ADGRG3: variants seen among roughly 807,000 people sequenced by gnomAD.
ADGRG3 encodes G protein-coupled receptor 97.
Under a neutral mutation model 54.3 loss-of-function variants are expected in ADGRG3, and 39 were observed. The ratio of observed to expected loss-of-function variants is 0.72; its 90% confidence interval spans 0.56 to 0.94. The LOEUF (loss-of-function observed/expected upper bound fraction) is 0.94. ADGRG3 is among the 40% of genes least tolerant of loss of function. ADGRG3 has a pLI of 0.00. For synonymous variants in ADGRG3, 312 were observed against 290.0 expected, an observed-to-expected ratio of 1.08 and a Z score of -0.77; for missense variants, 654 against 694.6, an observed-to-expected ratio of 0.94 and a Z score of 0.66.
At position 57,679,178 on chromosome 16, in the gene ADGRG3, G is replaced by C; in HGVS notation, c.494G>C (p.Gly165Ala). ...CCTCCCCGATCTCCCCTTTCACAGG[G>C]CCCCCGGCTCGGCCTGGGAGATGGC... Reference protein sequence around the residue: ...LDIGPGTLFKGPRLGLGDGSG... With the variant: ...LDIGPGTLFKAPRLGLGDGSG... Residue 165 changes from glycine (G) to alanine (A), a missense_variant and splice_region_variant, in exon 5 of 12, where the codon GGC (glycine) becomes GCC (alanine). Coordinates refer to ENST00000333493, the MANE Select transcript of ADGRG3 (RefSeq NM_170776.5). 2.5e-6 allele frequency: 4 copies of C among 1,613,648 alleles called. No individual in the cohort carries two copies. The highest frequency in any genetic ancestry group is 2.5e-6 in the Non-Finnish European group (3 of 1,179,878).
intron 1 of ADGRG3, among the ~76,000 whole-genome samples, chr16:57,670,426 G>A (rs1485543040): frequency 6.6e-6 from 1 of 152,144 alleles, no homozygotes; most frequent in African/African-American, 2.4e-5. Context: ...ATTCATGACA[G>A]CAGGGCCGGG....
intron 8 of ADGRG3, chr16:57,682,401 G>C (rs1220013245): frequency 1.3e-6 from 1 of 793,292 alleles, no homozygotes; most frequent in Admixed American, 6.2e-5. Flanking sequence ...TTTGGCCCTA[G>C]GCTGCAGCCC....
intron 5 of ADGRG3, 43 bp from the exon 6 acceptor site, chr16:57,679,773 A>C (rs9925879): frequency 0.16 from 248,181 of 1,552,992 alleles, 24,730 homozygotes; most frequent in East Asian, 0.5. Context: ...CCTCCCCCAA[A>C]CTTCCCTTTT....
At position 57,680,542 on chromosome 16, in the gene ADGRG3, C is replaced by A. The variant is rs2048349186; in HGVS notation, c.806C>A (p.Thr269Lys). 1 of 1,613,840 alleles carries A rather than the reference C, an allele frequency of 6.2e-7. No homozygotes were observed. The highest frequency in any genetic ancestry group is 1.1e-5 in the South Asian group (1 of 91,068). The change falls in exon 8 of 12, where the codon ACA (threonine) becomes AAA (lysine). Residue 269 changes from threonine (T) to lysine (K), a missense_variant. Thr to Lys is a moderately conservative substitution (Grantham distance 78). Transcript: ENST00000333493. The stretch of plus-strand genomic sequence containing the variant: ...GACCAGTCCACGGTGCATATCCTCA[C>A]ACGCATCTCCCAGGCGGGCTGTGGG... ...TLDQSTVHIL[T>K]RISQAGCGVS...
intron 1 of ADGRG3, among the ~76,000 whole-genome samples, chr16:57,669,986 G>T (rs1394609935): frequency 1.3e-5 from 2 of 152,138 alleles, no homozygotes; most frequent in Non-Finnish European, 1.5e-5. Flanking sequence ...GTCTAAAGGG[G>T]CCAGGAGGGA....
At chr16:57,667,965 G>GT (rs1348113786), upstream of ADGRG3, among the ~76,000 whole-genome samples, 1 of 152,236 alleles carries the variant, frequency 6.6e-6, no homozygotes, top group Admixed American at 6.5e-5. Context: ...GAGAGGAGGG[G>GT]TCTGAGTAGG....
At chr16:57,680,020 C>A (rs866513935) in intron 6 of ADGRG3, among the ~76,000 whole-genome samples, 165 bp downstream of exon 6, 3 of 37,184 alleles carry the variant, frequency 8.1e-5, no homozygotes, top group Admixed American at 5.0e-4. Context: ...TCCCCTCCCC[C>A]CCCTCCTCAC....
intron 10 of ADGRG3, among the ~76,000 whole-genome samples, chr16:57,685,056 G>T (rs2048448495): frequency 6.6e-6 from 1 of 152,240 alleles, no homozygotes; most frequent in South Asian, 2.1e-4. Context: ...TGCCCCTGCA[G>T]TGCAGAGGGC....
At chr16:57,669,441 A>G (rs937306563) in intron 1 of ADGRG3, among the ~76,000 whole-genome samples, 5 of 152,154 alleles carry the variant, frequency 3.3e-5, no homozygotes, top group Admixed American at 3.3e-4. Context: ...CCCTTGATAG[A>G]TGAATGAACG....
At chr16:57,674,992 T>A (rs111443827) in intron 2 of ADGRG3, among the ~76,000 whole-genome samples, 1,049 of 19,274 alleles carry the variant, frequency 0.054, 10 homozygotes, top group Non-Finnish European at 0.084. Context: ...TGAGACTCCA[T>A]CTCAAAAAAA....
chr16:57,666,890 G>A (rs369559885), upstream of ADGRG3, among the ~76,000 whole-genome samples: 30 of 152,316 alleles, frequency 2.0e-4, no homozygotes, highest in African/African-American at 6.7e-4. Flanking sequence ...TGCCAGGATG[G>A]GGCTTCAGCG....
At chr16:57,679,102 T>G in intron 4 of ADGRG3, 75 bp from the exon 5 acceptor site, 1 of 1,566,222 alleles carries the variant, frequency 6.4e-7, no homozygotes. Flanking sequence ...TCCTGGAGGC[T>G]CCTAGGAACC....
upstream of ADGRG3, among the ~76,000 whole-genome samples, chr16:57,667,305 C>T (rs2059002195): frequency 1.3e-5 from 2 of 152,378 alleles, no homozygotes; most frequent in Admixed American, 6.5e-5. Flanking sequence ...CCAGCAACCA[C>T]ACACCTTGGT....
At chr16:57,685,292 T>C (rs2048452943) in intron 10 of ADGRG3, among the ~76,000 whole-genome samples, 1 of 152,214 alleles carries the variant, frequency 6.6e-6, no homozygotes, top group Admixed American at 6.5e-5. Context: ...AGCGGTCAGT[T>C]ACTATCCTTC....
intron 10 of ADGRG3, 53 bp downstream of exon 10, chr16:57,684,536 T>A: frequency 2.2e-6 from 3 of 1,346,560 alleles, no homozygotes; most frequent in Non-Finnish European, 3.2e-6. Context: ...GCTACACATA[T>A]TGGGGCTGGA....
At chr16:57,679,051 C>A in intron 4 of ADGRG3, 126 bp from the exon 5 acceptor site, 2 of 1,106,612 alleles carry the variant, frequency 1.8e-6, no homozygotes, top group East Asian at 2.4e-5. Context: ...CTCCCTGGTC[C>A]CCTGGTCTCG....
chr16:57,675,804 C>A (rs2048251919), intron 2 of ADGRG3, among the ~76,000 whole-genome samples: 1 of 151,832 alleles, frequency 6.6e-6, no homozygotes, highest in African/African-American at 2.4e-5. Flanking sequence ...ATTGCAGGGG[C>A]TGGGGGAAGG....
chr16:57,677,808 A>C (rs1484791824), intron 3 of ADGRG3, among the ~76,000 whole-genome samples: 2 of 152,094 alleles, frequency 1.3e-5, no homozygotes, highest in African/African-American at 4.8e-5. Context: ...CACTGTCACA[A>C]TCAAGCCCTG....
At position 57,685,929 on chromosome 16, in the gene ADGRG3, G is replaced by A. The variant is rs776803891; in HGVS notation, c.1540+3G>A. 1.2e-6 allele frequency: 2 copies of A among 1,613,066 alleles called. No homozygotes were observed. The highest frequency in any genetic ancestry group is 1.7e-6 in the Non-Finnish European group (2 of 1,179,252). ...TGCACTTTTCAACTCCTTGCAAGGT[G>A]AGGCCCCTGCACCAGGGAGGTGATG... On this transcript the variant is annotated splice_donor_region_variant and intron_variant, in intron 11 of 11. Transcript: ENST00000333493.
Sources: allele counts gnomAD v4.1 joint callset (sites outside exome capture counted in the v4.1 genomes callset), GRCh38; gene constraint gnomAD v4.1.1; transcripts MANE v1.5; gene names NCBI Gene and HGNC (gene_info 2026-07-23, HGNC 2026-07-21).